PLA2G4B: variants seen among roughly 807,000 people sequenced by gnomAD.
The protein encoded by PLA2G4B is phospholipase A2 group IVB.
In PLA2G4B, 122 loss-of-function variants were observed where a neutral mutation model predicts 95.8. That is an observed-to-expected ratio of 1.27 (90% CI 1.10 to 1.48). The LOEUF is 1.48. PLA2G4B is among the 40% of genes most tolerant of loss of function. The pLI is 0.00. For synonymous variants in PLA2G4B, 518 were observed against 421.5 expected, an observed-to-expected ratio of 1.23 and a Z score of -2.80; for missense variants, 1,158 against 996.2, an observed-to-expected ratio of 1.16 and a Z score of -2.19.
rs61735400 is a variant in PLA2G4B, at chr15:41,846,375, A to C, written c.1773A>C (p.Thr591=). ...KDYFQHPHFS[T]WKATTLDGLP... ...ACTTTCAGCATCCTCACTTCTCCAC[A>C]TGGAAAGGTACCTGCTTCTCTCCAA... Residue 591 remains threonine (T), a synonymous_variant, in exon 17 of 20, where the codon ACA becomes ACC. Transcript: ENST00000458483. 1,176 of 1,604,414 alleles carry C rather than the reference A, an allele frequency of 7.3e-4. 3 individuals carry two copies. The African/African-American group carries it at 0.013, about 18-fold the overall frequency.
intron 17 of PLA2G4B, 44 bp from the exon 18 acceptor site, chr15:41,846,625 A>AC (rs756707798): frequency 1.7e-5 from 27 of 1,561,194 alleles, no homozygotes; most frequent in African/African-American, 2.7e-5. Context: ...GGAATCTGGT[A>AC]CCCTTGGTAT....
intron 6 of PLA2G4B, 121 bp downstream of exon 6, chr15:41,841,394 G>A: frequency 6.2e-7 from 1 of 1,608,292 alleles, no homozygotes; most frequent in Non-Finnish European, 8.5e-7. Context: ...AGTTTGTTAA[G>A]GGAATACAAT....
In PLA2G4B at chr15:41,840,143, C is replaced by CT. The variant is rs1355980015; in HGVS notation, c.10-14dup. Reference sequence around the variant, plus strand: ...CATCGGCCCGTAGCAGGTCTCCCCTCTCCCACCTCTGCAGGCAGAGGTGTC... The same window carrying CT: ...CATCGGCCCGTAGCAGGTCTCCCCTCTTCCCACCTCTGCAGGCAGAGGTGTC... On this transcript the variant is annotated splice_polypyrimidine_tract_variant and intron_variant, in intron 1 of 19. Coordinates refer to ENST00000458483, the MANE Select transcript of PLA2G4B (RefSeq NM_001114633.2). 2.0e-5 allele frequency: 32 copies of CT among 1,611,580 alleles called. No individual in the cohort carries two copies. The highest frequency in any genetic ancestry group is 2.7e-5 in the Non-Finnish European group (32 of 1,178,912).
chr15:41,844,402 CTCT>C, intron 11 of PLA2G4B, 66 bp from the exon 12 acceptor site: 1 of 1,609,634 alleles, frequency 6.2e-7, no homozygotes, highest in Non-Finnish European at 8.5e-7. Context: ...GACCTGCTAC[CTCT>C]TCTTCCTGTG....
intron 11 of PLA2G4B, among the ~76,000 whole-genome samples, chr15:41,844,026 G>A (rs1034388090): frequency 6.6e-6 from 1 of 152,224 alleles, no homozygotes; most frequent in African/African-American, 2.4e-5. Flanking sequence ...CATAGGGCTG[G>A]CTTTCCTACT....
intron 8 of PLA2G4B, 38 bp from the exon 9 acceptor site, chr15:41,842,155 G>A (rs368033092): frequency 1.6e-5 from 26 of 1,611,530 alleles, no homozygotes; most frequent in Middle Eastern, 1.6e-4. Flanking sequence ...GAGTGGAAGC[G>A]TAAAGATTCT....
At chr15:41,841,369 G>A in intron 6 of PLA2G4B, 96 bp downstream of exon 6, 1 of 1,609,494 alleles carries the variant, frequency 6.2e-7, no homozygotes. Flanking sequence ...CTCAGCCTGG[G>A]GACCCTGGGA....
rs1300063252 is a variant in PLA2G4B at position 41,845,628 on chromosome 15, C to A, written c.1358-10C>A. ...CTGCACCATGAGGCTGAGGCGTGGA[C>A]TCCTCACAGAGTGGTGCGAGTTCTC... On this transcript the variant is annotated splice_polypyrimidine_tract_variant and intron_variant, in intron 14 of 19. Transcript: ENST00000458483. 6.2e-7 allele frequency: 1 copy of A among 1,614,098 alleles called. No homozygotes were observed. Among genetic ancestry groups the A allele is most frequent in the African/African-American group, 1.3e-5 (1 of 75,046 alleles).
At position 41,844,990 on chromosome 15, in the gene PLA2G4B, G is replaced by A. The variant is rs767589504; in HGVS notation, c.1159G>A (p.Ala387Thr). 9 of 1,608,390 alleles carry A rather than the reference G, an allele frequency of 5.6e-6. No homozygotes were observed. In the South Asian group the frequency reaches 7.8e-5, roughly 14 times the overall value. ...SQLQRYRQEL[A>T]ERARLGYPSC... is the part of the protein sequence containing the mutation. Reference sequence around the variant, plus strand: ...GCTGCAGCGGTACCGGCAGGAGCTGGCCGAGCGTGCCCGCTTGGGCTACCC... The same window carrying A: ...GCTGCAGCGGTACCGGCAGGAGCTGACCGAGCGTGCCCGCTTGGGCTACCC... Residue 387 changes from alanine to threonine, a missense_variant, in exon 13 of 20, where the codon GCC becomes ACC. By Grantham distance (58) the Ala-to-Thr change is moderately conservative. Transcript: ENST00000458483.
In PLA2G4B at chr15:41,845,052, G is replaced by GGC; in HGVS notation, c.1224_1225dup (p.Leu409ArgfsTer19). 6.3e-7 allele frequency: 1 copy of GGC among 1,598,208 alleles called. No homozygotes were observed. The highest frequency in any genetic ancestry group is 8.5e-7 in the Non-Finnish European group (1 of 1,171,764). The stretch of plus-strand genomic sequence containing the variant: ...CCAACCTGTGGGCCCTCATCAACGA[G>GGC]GCGCTGCTGCATGATGAGGTGCGGG... On this transcript the variant is annotated frameshift_variant, in exon 13 of 20. Coordinates refer to ENST00000458483, the MANE Select transcript of PLA2G4B (RefSeq NM_001114633.2). LOFTEE classifies it high-confidence loss of function.
chr15:41,839,265 C>G (rs1290714298), intron 1 of PLA2G4B: 1 of 220,848 alleles, frequency 4.5e-6, no homozygotes, highest in Non-Finnish European at 9.0e-6. Context: ...AGTGTGAGGG[C>G]CCTGGGCTGA....
chr15:41,839,051 C>A, intron 1 of PLA2G4B, 129 bp downstream of exon 1: 1 of 718,574 alleles, frequency 1.4e-6, no homozygotes, highest in Non-Finnish European at 2.3e-6. Context: ...GACCACAAGA[C>A]CAGGGTAGCG....
intron 19 of PLA2G4B, 61 bp from the exon 20 acceptor site, chr15:41,847,588 C>A: frequency 6.2e-7 from 1 of 1,610,450 alleles, no homozygotes; most frequent in Non-Finnish European, 8.5e-7. Context: ...GTCCCCTGTG[C>A]CTCTCCAAAC....
chr15:41,845,423 G>T, intron 14 of PLA2G4B, 103 bp downstream of exon 14: 2 of 1,490,608 alleles, frequency 1.3e-6, no homozygotes, highest in Non-Finnish European at 9.1e-7. Context: ...CCTCTCCTGA[G>T]CCAGGTCCCG....
intron 1 of PLA2G4B, chr15:41,839,389 G>C (rs1202257915): frequency 1.3e-5 from 2 of 153,938 alleles, no homozygotes; most frequent in Non-Finnish European, 2.9e-5. Flanking sequence ...GTTGGCACAG[G>C]CTTCCCTGGT....
At position 41,846,316 on chromosome 15, in the gene PLA2G4B, AATTTCCTGCGTGGCCTCC is replaced by A; in HGVS notation, c.1721_1738del (p.Leu574_Phe579del). Reference sequence around the variant, plus strand: ...GCGTCCACTGGCCCAGGCCACACATAATTTCCTGCGTGGCCTCCATTTCCACAAAGACTACTTTCAGCA... The same window carrying A: ...GCGTCCACTGGCCCAGGCCACACATAATTTCCACAAAGACTACTTTCAGCA... On this transcript the variant is annotated inframe_deletion, in exon 17 of 20. Coordinates refer to ENST00000458483, the MANE Select transcript of PLA2G4B (RefSeq NM_001114633.2). The A allele has an allele frequency of 1.2e-6, 2 of 1,612,846 alleles. No homozygotes were observed. The highest frequency in any genetic ancestry group is 1.7e-6 in the Non-Finnish European group (2 of 1,178,890).
In PLA2G4B at chr15:41,841,802, C is replaced by G. The variant is rs1567169676; in HGVS notation, c.491-17C>G. On this transcript the variant is annotated splice_polypyrimidine_tract_variant and intron_variant, in intron 7 of 19. Coordinates refer to ENST00000458483, the MANE Select transcript of PLA2G4B (RefSeq NM_001114633.2). Reference sequence around the variant, plus strand: ...AGATACCGTCCCCAGCCTCTCTGCTCTGGTTCCTGTTTCCAGCCTCAGAGC... The same window carrying G: ...AGATACCGTCCCCAGCCTCTCTGCTGTGGTTCCTGTTTCCAGCCTCAGAGC... The G allele has an allele frequency of 1.9e-6, 3 of 1,612,574 alleles. No homozygotes were observed. Among genetic ancestry groups the G allele is most frequent in the South Asian group, 1.1e-5 (1 of 90,738 alleles).
chr15:41,840,088 C>T (rs1466545425), intron 1 of PLA2G4B, 70 bp from the exon 2 acceptor site: 2 of 1,564,942 alleles, frequency 1.3e-6, no homozygotes, highest in African/African-American at 2.7e-5. Context: ...CTGCTCCAGC[C>T]TCCTTTGTGG....
chr15:41,847,995 G>A lies in PLA2G4B; in HGVS notation c.*135G>A. On this transcript the variant is annotated 3_prime_UTR_variant, in exon 20 of 20. Coordinates refer to ENST00000458483, the MANE Select transcript of PLA2G4B (RefSeq NM_001114633.2). ...TCCCAGGGTCCAGGCTGAGGGCTGG[G>A]AGCTCCCTTGCGCCTCAGCAGTTTG... 1 of 1,244,350 alleles carries A rather than the reference G, an allele frequency of 8.0e-7. No homozygotes were observed. The highest frequency in any genetic ancestry group is 1.1e-6 in the Non-Finnish European group (1 of 914,704). The allele number at this position is 1,244,350 out of a possible 1,614,324, so 77.1% of individuals were successfully genotyped here.
Sources: allele counts gnomAD v4.1 joint callset (sites outside exome capture counted in the v4.1 genomes callset), GRCh38; gene constraint gnomAD v4.1.1; transcripts MANE v1.5; gene names NCBI Gene and HGNC (gene_info 2026-07-23, HGNC 2026-07-21).